FAM81A: variants seen among roughly 807,000 people sequenced by gnomAD.
The protein encoded by FAM81A is protein FAM81A.
Under a neutral mutation model 46.7 loss-of-function variants are expected in FAM81A, and 19 were observed. The observed-to-expected ratio is 0.41, with a 90% CI of 0.28 to 0.60. The LOEUF (loss-of-function observed/expected upper bound fraction) is 0.60, where lower values mean the gene tolerates loss of function less well. FAM81A is among the 20% of genes least tolerant of loss of function. FAM81A has a pLI of 0.34. For synonymous variants in FAM81A, 183 were observed against 152.9 expected (o/e 1.20, Z -1.45); for missense variants, 377 against 453.5 (o/e 0.83, Z 1.53).
intron 8 of FAM81A, among the ~76,000 whole-genome samples, chr15:59,518,231 G>A (rs1050440779): frequency 1.6e-4 from 24 of 151,454 alleles, no homozygotes; most frequent in African/African-American, 5.8e-4. Flanking sequence ...TCCCGCCTCG[G>A]CCTGCTGAAG....
chr15:59,490,501 A>G (rs1226277482), intron 3 of FAM81A, among the ~76,000 whole-genome samples: 1 of 152,232 alleles, frequency 6.6e-6, no homozygotes, highest in Non-Finnish European at 1.5e-5. Context: ...AAAGGTGCTC[A>G]ACATCATTGA....
chr15:59,487,108 T>C (rs2081925767), intron 3 of FAM81A, among the ~76,000 whole-genome samples: 1 of 148,480 alleles, frequency 6.7e-6, no homozygotes, highest in Non-Finnish European at 1.5e-5. Flanking sequence ...AAGATATGAA[T>C]AGAAACAACA....
intron 4 of FAM81A, among the ~76,000 whole-genome samples, chr15:59,495,287 C>A (rs1240354737): frequency 1.3e-5 from 2 of 152,156 alleles, no homozygotes; most frequent in African/African-American, 2.4e-5. Flanking sequence ...GAATGTGTTC[C>A]CTTGATTCTG....
At chr15:59,420,181 G>T (rs1020352048) in intron 2 of FAM81A, among the ~76,000 whole-genome samples, 5 of 152,182 alleles carry the variant, frequency 3.3e-5, no homozygotes, top group Admixed American at 6.5e-5. Flanking sequence ...TACAATTCAA[G>T]AAACAAACAC....
At chr15:59,430,254 C>CTTTTT (rs5812977) in intron 2 of FAM81A, among the ~76,000 whole-genome samples, 2 of 87,458 alleles carry the variant, frequency 2.3e-5, no homozygotes, top group Admixed American at 1.4e-4. Flanking sequence ...ACCTATTTCC[C>CTTTTT]TTTTTTTTTT....
intron 3 of FAM81A, among the ~76,000 whole-genome samples, chr15:59,461,405 C>T (rs757249505): frequency 2.5e-4 from 38 of 152,296 alleles, no homozygotes; most frequent in South Asian, 6.2e-4. Flanking sequence ...CCTGCATCGG[C>T]GTCCCAAGTA....
chr15:59,401,451 T>A (rs929896592), intron 1 of FAM81A: 3 of 788,052 alleles, frequency 3.8e-6, no homozygotes, highest in African/African-American at 3.4e-5. Context: ...TCAGGATATG[T>A]TACATGGGCT....
intron 1 of FAM81A, among the ~76,000 whole-genome samples, chr15:59,439,579 C>G (rs78237125): frequency 0.041 from 6,229 of 152,274 alleles, 145 homozygotes; most frequent in African/African-American, 0.055. Flanking sequence ...TGACTTTCTA[C>G]TTAAAGCTAC....
At chr15:59,506,566 C>T (rs1237355562) in intron 4 of FAM81A, among the ~76,000 whole-genome samples, 2 of 152,156 alleles carry the variant, frequency 1.3e-5, no homozygotes, top group East Asian at 3.8e-4. Flanking sequence ...AATATTGTCT[C>T]AGAACAGAGC....
At chr15:59,416,341 T>C (rs2081146638) in intron 2 of FAM81A, among the ~76,000 whole-genome samples, 1 of 152,230 alleles carries the variant, frequency 6.6e-6, no homozygotes, top group South Asian at 2.1e-4. Context: ...CGCCAAAGGA[T>C]GGAGAGACGG....
intron 2 of FAM81A, among the ~76,000 whole-genome samples, chr15:59,419,943 A>G (rs1468053884): frequency 6.6e-6 from 1 of 152,146 alleles, no homozygotes; most frequent in African/African-American, 2.4e-5. Flanking sequence ...GAGGTTAGGG[A>G]TCATGCAGCT....
intron 7 of FAM81A, 122 bp from the exon 8 acceptor site, chr15:59,516,522 CA>C: frequency 3.3e-6 from 3 of 920,618 alleles, no homozygotes; most frequent in Non-Finnish European, 4.9e-6. Flanking sequence ...TTATGGTGGG[CA>C]ACAAGCAGCT....
chr15:59,454,405 T>C (rs2081457487), intron 1 of FAM81A, among the ~76,000 whole-genome samples: 1 of 152,224 alleles, frequency 6.6e-6, no homozygotes, highest in Non-Finnish European at 1.5e-5. Flanking sequence ...TCACATCACT[T>C]ATAAAACTAT....
chr15:59,475,390 T>G (rs1183758056), intron 3 of FAM81A, among the ~76,000 whole-genome samples: 1 of 152,152 alleles, frequency 6.6e-6, no homozygotes, highest in Non-Finnish European at 1.5e-5. Context: ...GACCAACCAG[T>G]TATGTATGGC....
At position 59,482,344 on chromosome 15, in the gene FAM81A, C is replaced by G. The variant is rs114678699; in HGVS notation, c.295-9927C>G. Among the ~76,000 whole-genome samples the G allele has an allele frequency of 5.3e-3, 802 of 152,238 alleles. 3 individuals carry two copies. Among genetic ancestry groups the G allele is most frequent in the African/African-American group, 0.019 (773 of 41,554 alleles). ...AGGACAATGGTGTGATCTTGGCTCACTACGATCTCCACTACCTGGGTCCAA... is the reference window on the plus strand; with the variant it reads ...AGGACAATGGTGTGATCTTGGCTCAGTACGATCTCCACTACCTGGGTCCAA... On this transcript the variant is annotated intron_variant, in intron 3 of 8. Transcript: ENST00000288228.
chr15:59,475,922 G>T (rs1224712361), intron 3 of FAM81A, among the ~76,000 whole-genome samples: 2 of 152,158 alleles, frequency 1.3e-5, no homozygotes, highest in African/African-American at 4.8e-5. Context: ...AGTTTAGGCT[G>T]CTATGACAAA....
At chr15:59,513,563 A>T (rs2141834569) in intron 6 of FAM81A, among the ~76,000 whole-genome samples, 1 of 152,340 alleles carries the variant, frequency 6.6e-6, no homozygotes, top group Non-Finnish European at 1.5e-5. Flanking sequence ...GTTAGTGCTA[A>T]GTGCAATTCT....
chr15:59,519,472 T>C (rs57246676), intron 8 of FAM81A, among the ~76,000 whole-genome samples: 3,922 of 96,702 alleles, frequency 0.041, 176 homozygotes, highest in African/African-American at 0.14. Flanking sequence ...CCCTCCCTCC[T>C]TTCCTTCCTT....
intron 3 of FAM81A, among the ~76,000 whole-genome samples, chr15:59,491,287 A>T (rs2081978141): frequency 6.6e-6 from 1 of 152,308 alleles, no homozygotes; most frequent in African/African-American, 2.4e-5. Flanking sequence ...AGAGGTCATT[A>T]TGTTAAGTGA....
Sources: gnomAD v4.1 joint callset for allele counts (sites outside exome capture counted in the v4.1 genomes callset) on GRCh38, gnomAD v4.1.1 for gene constraint, MANE v1.5 for transcripts, NCBI Gene and HGNC (gene_info 2026-07-23, HGNC 2026-07-21) for gene names.